The following PPP2R2B variants were observed in gnomAD, a reference collection of about 807,000 sequenced individuals.
PPP2R2B encodes the protein serine/threonine-protein phosphatase 2A 55 kDa regulatory subunit B beta isoform.
A neutral mutation model predicts 46.0 loss-of-function variants in PPP2R2B; 5 were observed. The ratio of observed to expected loss-of-function variants is 0.11; its 90% CI spans 0.06 to 0.23. The LOEUF (loss-of-function observed/expected upper bound fraction) is 0.23. Ranked by LOEUF, PPP2R2B falls within the 10% of genes least tolerant of loss-of-function variation. The pLI, the probability that PPP2R2B is intolerant of heterozygous loss-of-function variation, is 1.00. For missense variants in PPP2R2B, 367 were observed against 575.0 expected, an observed-to-expected ratio of 0.64 and a Z score of 3.70; for synonymous variants, 215 against 206.7, an observed-to-expected ratio of 1.04 and a Z score of -0.34.
Position 147,002,696 on chromosome 5 carries a change from T to C in PPP2R2B, c.79+52969A>G, listed in dbSNP as rs151017998. ...GAAAACTAGTGTTTCTGCTGCTGCG[T>C]CGGTGGGCGCAACTCTTCTGATCAC... On this transcript the variant is annotated intron_variant, in intron 1 of 8. Transcript: ENST00000336640. Among the ~76,000 whole-genome samples, 1,127 of 152,178 alleles carry C rather than the reference T, an allele frequency of 7.4e-3. 11 individuals carry two copies. Among genetic ancestry groups the C allele is most frequent in the African/African-American group, 0.026 (1,078 of 41,522 alleles).
At chr5:146,663,427 A>T (rs551693278) in intron 5 of PPP2R2B, among the ~76,000 whole-genome samples, 1 of 152,184 alleles carries the variant, frequency 6.6e-6, no homozygotes, top group Non-Finnish European at 1.5e-5. Context: ...TACATCTTTT[A>T]ACTTAGTAAA....
chr5:146,597,993 T>TATC (rs1561755357), intron 8 of PPP2R2B, among the ~76,000 whole-genome samples: 5 of 152,236 alleles, frequency 3.3e-5, no homozygotes, highest in African/African-American at 1.2e-4. Context: ...GGCTTATTCC[T>TATC]ATCAGCAGAA....
intron 2 of PPP2R2B, among the ~76,000 whole-genome samples, chr5:146,733,789 C>T (rs1335001935): frequency 6.6e-6 from 1 of 152,112 alleles, no homozygotes; most frequent in Non-Finnish European, 1.5e-5. Flanking sequence ...ATTCAGCTTA[C>T]CAGGACCCTA....
At chr5:146,988,217 C>A (rs533059235) in intron 1 of PPP2R2B, among the ~76,000 whole-genome samples, 24 of 151,734 alleles carry the variant, frequency 1.6e-4, no homozygotes, top group African/African-American at 4.3e-4. Flanking sequence ...TCATCTAGAC[C>A]AAAAATCAAC....
At chr5:146,616,841 C>T (rs542170789) in intron 7 of PPP2R2B, 47 of 152,322 alleles carry the variant, frequency 3.1e-4, no homozygotes, top group African/African-American at 1.0e-3. Flanking sequence ...AATTGAGCTA[C>T]TATATGATCC....
intron 5 of PPP2R2B, among the ~76,000 whole-genome samples, chr5:146,689,652 G>A (rs1193732568): frequency 6.6e-6 from 1 of 152,076 alleles, no homozygotes; most frequent in Non-Finnish European, 1.5e-5. Flanking sequence ...GGTCACTAGC[G>A]GAAAGTAACG....
intron 5 of PPP2R2B, among the ~76,000 whole-genome samples, chr5:146,686,623 T>TCAC (rs56866551): frequency 0.014 from 2,179 of 152,124 alleles, 37 homozygotes; most frequent in African/African-American, 0.039. Flanking sequence ...ATTGTATTCA[T>TCAC]CACATCACCT....
At chr5:146,906,774 G>A (rs543421633) in intron 1 of PPP2R2B, among the ~76,000 whole-genome samples, 22 of 152,298 alleles carry the variant, frequency 1.4e-4, no homozygotes, top group Admixed American at 2.6e-4. Context: ...CACCTTATAC[G>A]TCTATTGGGC....
At chr5:146,858,891 C>G (rs752616257) in intron 2 of PPP2R2B, among the ~76,000 whole-genome samples, 11 of 152,112 alleles carry the variant, frequency 7.2e-5, no homozygotes, top group Non-Finnish European at 1.5e-4. Flanking sequence ...AGGAATGAGA[C>G]ACAACCCATG....
intron 2 of PPP2R2B, among the ~76,000 whole-genome samples, chr5:146,743,348 G>A (rs988255167): frequency 6.6e-6 from 1 of 152,156 alleles, no homozygotes; most frequent in African/African-American, 2.4e-5. Context: ...TTCCCTTCAT[G>A]TGTGACTTCA....
chr5:146,698,318 AT>A (rs368551088), intron 3 of PPP2R2B, among the ~76,000 whole-genome samples, 174 bp from the exon 4 acceptor site: 11,243 of 55,066 alleles, frequency 0.2, 1,401 homozygotes, highest in East Asian at 0.34. Flanking sequence ...AAAAAAAAAA[AT>A]ATATATATAT....
At chr5:147,038,556 G>C (rs1041001370) in intron 1 of PPP2R2B, among the ~76,000 whole-genome samples, 1 of 152,058 alleles carries the variant, frequency 6.6e-6, no homozygotes, top group Non-Finnish European at 1.5e-5. Context: ...TGAGTGGCTG[G>C]TGCGATAAAA....
intron 2 of PPP2R2B, chr5:146,706,804 G>T: frequency 2.3e-6 from 2 of 867,062 alleles, no homozygotes; most frequent in Non-Finnish European, 4.0e-6. Context: ...GACTGCGGTT[G>T]GCGATCTCCT....
intron 2 of PPP2R2B, among the ~76,000 whole-genome samples, chr5:146,876,846 C>A (rs940428141): frequency 6.6e-6 from 1 of 152,124 alleles, no homozygotes; most frequent in African/African-American, 2.4e-5. Flanking sequence ...CACCTTTACC[C>A]CCAGATGTGT....
Position 146,884,472 on chromosome 5 carries a change from C to A in PPP2R2B, c.79+171193G>T, listed in dbSNP as rs1204253698. On this transcript the variant is annotated intron_variant, in intron 1 of 8. Transcript: ENST00000336640. ...AGGAATGTTCGGTCATGCCCACTCT[C>A]AAGGAATCATTCCTTTTGACTATTC... 2.0e-5 allele frequency among the ~76,000 whole-genome samples: 3 copies of A among 152,174 alleles called. No individual in the cohort carries two copies. In the East Asian group the frequency reaches 5.8e-4, roughly 29 times the overall value.
intron 2 of PPP2R2B, among the ~76,000 whole-genome samples, chr5:146,750,645 G>T (rs1212646892): frequency 1.3e-5 from 2 of 152,192 alleles, no homozygotes; most frequent in African/African-American, 4.8e-5. Context: ...GAATGGTGGG[G>T]ATTGTGGCTT....
At chr5:146,808,263 C>T (rs1269350469) in intron 2 of PPP2R2B, among the ~76,000 whole-genome samples, 14 of 152,310 alleles carry the variant, frequency 9.2e-5, no homozygotes, top group Non-Finnish European at 1.6e-4. Context: ...CTTATTTGCA[C>T]TAGATGACAT....
intron 2 of PPP2R2B, among the ~76,000 whole-genome samples, chr5:146,726,652 A>G (rs370881889): frequency 2.0e-5 from 3 of 152,328 alleles, no homozygotes; most frequent in South Asian, 2.1e-4. Context: ...TAGTGGAGCT[A>G]AGATTCAAAC....
rs1561935089 is a variant in PPP2R2B, at chr5:146,822,534, G to GT, written c.70+55467_70+55468insA. Among the ~76,000 whole-genome samples, 562 of 133,880 alleles carry GT rather than the reference G, an allele frequency of 4.2e-3. 8 individuals are homozygous for GT. The highest frequency in any genetic ancestry group is 0.017 in the East Asian group (69 of 4,016). The allele number at this position is 133,880 out of a possible 152,430, so 87.8% of individuals were successfully genotyped here. On this transcript the variant is annotated intron_variant, in intron 2 of 9. Coordinates refer to ENST00000394411, the MANE Select transcript of PPP2R2B (RefSeq NM_181675.4). ...CATTCCCTAAATTTTCTTCATTTTT[G>GT]GTTTTTTTTTTTTTTTTGCTTTTTA...
Sources: gnomAD v4.1 joint callset for allele counts (sites outside exome capture counted in the v4.1 genomes callset) on GRCh38, gnomAD v4.1.1 for gene constraint, MANE v1.5 for transcripts, NCBI Gene and HGNC (gene_info 2026-07-23, HGNC 2026-07-21) for gene names.